Variants in MTM1 observed in about 807,000 individuals in gnomAD.
MTM1 encodes the protein myotubularin 1.
A neutral mutation model predicts 52.1 loss-of-function variants in MTM1; 9 were observed. The observed-to-expected ratio is 0.17, with a 90% CI of 0.10 to 0.30. The LOEUF (loss-of-function observed/expected upper bound fraction) is 0.30. Among genes scored for constraint, MTM1 ranks in the 10% least tolerant of loss-of-function variants. MTM1 has a pLI of 1.00. For missense variants in MTM1, 277 were observed against 470.7 expected (o/e 0.59, Z 3.81); for synonymous variants, 136 against 163.8 (o/e 0.83, Z 1.29).
At chrX:150,662,416 C>T (rs1160923160) in intron 13 of MTM1, among the ~76,000 whole-genome samples, 3 of 111,816 alleles carry the variant, frequency 2.7e-5, no homozygotes, top group South Asian at 3.7e-4. Flanking sequence ...CTCTGCCCCC[C>T]AGGTTCAAGC....
chrX:150,631,057 G>A (rs150250051), intron 6 of MTM1, among the ~76,000 whole-genome samples: 2,096 of 112,012 alleles, frequency 0.019, 58 homozygotes, highest in African/African-American at 0.065. Context: ...TATTGGGGCT[G>A]GCCATGTAAG....
chrX:150,660,285 A>G (rs1448442815), intron 12 of MTM1, 86 bp from the exon 13 acceptor site: 6 of 579,434 alleles, frequency 1.0e-5, no homozygotes, highest in Non-Finnish European at 1.8e-5. Flanking sequence ...ATGTGGCAGC[A>G]TTTGTTTACT....
intron 6 of MTM1, among the ~76,000 whole-genome samples, chrX:150,636,321 G>A (rs1370360316): frequency 9.0e-6 from 1 of 111,599 alleles, no homozygotes; most frequent in Non-Finnish European, 1.9e-5. Context: ...GATAATTTTT[G>A]TTTAGGCCAT....
Position 150,670,442 on chromosome X carries a change from T to C in MTM1, c.1645-986T>C, listed in dbSNP as rs7055437. ...AGAAGGTGAGGGGGCAAACCCAGCA[T>C]TCATACCCAAGGCGGAGCATTGCAG... On this transcript the variant is annotated intron_variant, in intron 14 of 14. Coordinates refer to ENST00000370396, the MANE Select transcript of MTM1 (RefSeq NM_000252.3). 2.7e-3 allele frequency among the ~76,000 whole-genome samples: 300 copies of C among 112,345 alleles called. 4 individuals carry two copies. The highest frequency in any genetic ancestry group is 9.4e-3 in the African/African-American group (290 of 30,933).
intron 4 of MTM1, among the ~76,000 whole-genome samples, chrX:150,608,045 A>C (rs1603140498): frequency 9.0e-6 from 1 of 110,559 alleles, no homozygotes; most frequent in African/African-American, 3.3e-5. Flanking sequence ...AGGTGAGAAG[A>C]AGCTGAGAGA....
intron 5 of MTM1, among the ~76,000 whole-genome samples, chrX:150,617,115 T>C (rs1344022959): frequency 1.8e-5 from 2 of 112,926 alleles, no homozygotes; most frequent in African/African-American, 6.4e-5. Flanking sequence ...TAATATTCTG[T>C]CTTTAATTGC....
chrX:150,663,421 G>A lies in MTM1; in HGVS notation c.1468-12G>A, dbSNP rs781938447. ...CTTAGGCTCTCCACTTTCTCTCTCT[G>A]TCTCTCTGTAGAAGGTTACAGAAAG... On this transcript the variant is annotated splice_polypyrimidine_tract_variant and intron_variant, in intron 13 of 14. Coordinates refer to ENST00000370396, the MANE Select transcript of MTM1 (RefSeq NM_000252.3). 3.3e-6 allele frequency: 4 copies of A among 1,209,656 alleles called. No individual in the cohort carries two copies. The Admixed American group carries it at 8.7e-5, about 26-fold the overall frequency.
Position 150,659,703 on chromosome X carries a change from C to T in MTM1, c.1300C>T (p.Arg434Cys), listed in dbSNP as rs782664128. 5 of 1,211,038 alleles carry T rather than the reference C, an allele frequency of 4.1e-6. No homozygotes were observed. Among genetic ancestry groups the T allele is most frequent in the Non-Finnish European group, 4.5e-6 (4 of 894,876 alleles). Residue 434 changes from arginine to cysteine, a missense_variant, in exon 12 of 15, where the codon CGT (arginine) becomes TGT (cysteine). By Grantham distance (180) the Arg-to-Cys change is radical (BLOSUM62 -3). Coordinates refer to ENST00000370396, the MANE Select transcript of MTM1 (RefSeq NM_000252.3). ...TGATAAAAACCACACCGATGCTGACCGTTCTCCTATTTTTCTCCAGTTTAT... is the reference window on the plus strand; with the variant it reads ...TGATAAAAACCACACCGATGCTGACTGTTCTCCTATTTTTCTCCAGTTTAT... ...HGDKNHTDAD[R>C]SPIFLQFIDC...
chrX:150,632,661 A>G (rs1603178434), intron 6 of MTM1, among the ~76,000 whole-genome samples: 1 of 111,076 alleles, frequency 9.0e-6, no homozygotes, highest in African/African-American at 3.3e-5. Context: ...AAGTGGGGCA[A>G]TGGACAGGGA....
intron 1 of MTM1, among the ~76,000 whole-genome samples, chrX:150,583,716 T>A (rs868951911): frequency 2.2e-5 from 1 of 45,884 alleles, no homozygotes; most frequent in Non-Finnish European, 3.5e-5. Context: ...ATAAATTATA[T>A]ATATTATATA....
In MTM1 at chrX:150,619,117, C is replaced by T. The variant is rs140642341; in HGVS notation, c.422C>T (p.Ala141Val). The T allele has an allele frequency of 4.1e-5, 49 of 1,204,584 alleles. No individual in the cohort carries two copies. In the Middle Eastern group the frequency reaches 1.2e-3, roughly 28 times the overall value. Residue 141 changes from alanine to valine, a missense_variant, in exon 6 of 15, where the codon GCG becomes GTG. Ala to Val is a moderately conservative substitution (Grantham distance 64). Coordinates refer to ENST00000370396, the MANE Select transcript of MTM1 (RefSeq NM_000252.3). The stretch of plus-strand genomic sequence containing the variant: ...ATGTTTGAGATCCTCACGAGATACG[C>T]GTTTCCCCTGGCTCACAGTCTGGTA... ...RDMFEILTRY[A>V]FPLAHSLPLF...
chrX:150,647,642 A>G (rs1206919018), intron 9 of MTM1, among the ~76,000 whole-genome samples: 1 of 112,354 alleles, frequency 8.9e-6, no homozygotes, highest in Non-Finnish European at 1.9e-5. Flanking sequence ...GTAACCAGAG[A>G]TGTAGAATTT....
intron 6 of MTM1, among the ~76,000 whole-genome samples, chrX:150,638,228 C>A (rs1293966943): frequency 6.3e-5 from 7 of 111,534 alleles, no homozygotes; most frequent in African/African-American, 2.3e-4. Context: ...CTTGAGAGTT[C>A]TTCAGATGCC....
chrX:150,592,518 C>A, intron 1 of MTM1, 87 bp from the exon 2 acceptor site: 1 of 689,775 alleles, frequency 1.4e-6, no homozygotes, highest in Non-Finnish European at 2.4e-6. Flanking sequence ...CGTTTGCTCT[C>A]AGTTGCCATA....
upstream of MTM1, among the ~76,000 whole-genome samples, chrX:150,566,845 T>C (rs1415490884): frequency 9.0e-6 from 1 of 111,434 alleles, no homozygotes; most frequent in Non-Finnish European, 1.9e-5. Context: ...TGCCCTAAGA[T>C]TCACAGATAC....
chrX:150,633,025 T>A (rs1249302639), intron 6 of MTM1, among the ~76,000 whole-genome samples: 1 of 111,372 alleles, frequency 9.0e-6, no homozygotes, highest in Non-Finnish European at 1.9e-5. Context: ...GTGGCCAAAA[T>A]TGCCAGGAGA....
chrX:150,581,084 AT>A (rs1270752336), intron 1 of MTM1, among the ~76,000 whole-genome samples: 3 of 112,065 alleles, frequency 2.7e-5, no homozygotes, highest in Non-Finnish European at 3.8e-5. Context: ...TTTAAAAAAA[AT>A]ATCCTCAAAG....
intron 4 of MTM1, among the ~76,000 whole-genome samples, chrX:150,612,657 C>G (rs2039304821): frequency 9.0e-6 from 1 of 111,623 alleles, no homozygotes; most frequent in African/African-American, 3.3e-5. Flanking sequence ...CCAGCCTGGA[C>G]AACATAGTAA....
intron 6 of MTM1, among the ~76,000 whole-genome samples, chrX:150,630,902 G>A (rs782022377): frequency 8.9e-6 from 1 of 111,811 alleles, no homozygotes; most frequent in Non-Finnish European, 1.9e-5. Flanking sequence ...GTTGAAATTC[G>A]GGGGAAACCA....
Sources: gnomAD v4.1 joint callset for allele counts (sites outside exome capture counted in the v4.1 genomes callset) on GRCh38, gnomAD v4.1.1 for gene constraint, MANE v1.5 for transcripts, NCBI Gene and HGNC (gene_info 2026-07-23, HGNC 2026-07-21) for gene names.